Variants in YEATS2 observed in about 807,000 individuals in gnomAD.
YEATS2 encodes the protein YEATS domain containing 2.
Under a neutral mutation model 163.2 loss-of-function variants are expected in YEATS2, and 77 were observed. The ratio of observed to expected loss-of-function variants is 0.47; its 90% CI spans 0.39 to 0.57. The LOEUF is 0.57. YEATS2 is among the 20% of genes least tolerant of loss of function. The pLI is 0.00. For missense variants in YEATS2, 1,549 were observed against 1,729.8 expected (o/e 0.90, Z 1.85); for synonymous variants, 631 against 645.1 (o/e 0.98, Z 0.33).
chr3:183,762,362 C>T (rs539690996), intron 15 of YEATS2, 83 bp downstream of exon 15: 15 of 1,462,808 alleles, frequency 1.0e-5, no homozygotes, highest in African/African-American at 1.4e-5. Flanking sequence ...AAAAGATTCA[C>T]GGTGACAGGG....
At chr3:183,705,112 G>A (rs929050513) in intron 1 of YEATS2, among the ~76,000 whole-genome samples, 7 of 152,102 alleles carry the variant, frequency 4.6e-5, no homozygotes, top group Middle Eastern at 3.4e-3. Flanking sequence ...GCAACGGCGC[G>A]ATCTCAGCTT....
intron 19 of YEATS2, among the ~76,000 whole-genome samples, chr3:183,778,425 C>A (rs1723229684): frequency 6.6e-6 from 1 of 152,226 alleles, no homozygotes; most frequent in African/African-American, 2.4e-5. Flanking sequence ...TCCAGAGGGG[C>A]TTCACGTGGA....
At position 183,721,987 on chromosome 3, in the gene YEATS2, G is replaced by A. The variant is rs1027494107; in HGVS notation, c.388G>A (p.Ala130Thr). 2 of 1,614,030 alleles carry A rather than the reference G, an allele frequency of 1.2e-6. No individual in the cohort carries two copies. The highest frequency in any genetic ancestry group is 1.7e-6 in the Non-Finnish European group (2 of 1,180,042). The change falls in exon 5 of 31, where the codon GCA becomes ACA. Residue 130 changes from alanine to threonine, a missense_variant. Ala to Thr is a moderately conservative substitution (Grantham distance 58). Coordinates refer to ENST00000305135, the MANE Select transcript of YEATS2 (RefSeq NM_018023.5). ...SRSSSPANQRAETPSANHSES... is the reference protein window; with the variant it reads ...SRSSSPANQRTETPSANHSES... ...GTCATCATCTCCTGCCAATCAGAGA[G>A]CAGAAACACCATCAGCCAATCATTC...
intron 21 of YEATS2, chr3:183,793,332 G>T: frequency 9.2e-7 from 1 of 1,088,896 alleles, no homozygotes; most frequent in Non-Finnish European, 1.1e-6. Context: ...AAAAAATTAA[G>T]GCTGATTATA....
chr3:183,811,345 G>A lies in YEATS2; in HGVS notation c.*762G>A, dbSNP rs989171166. 1.3e-5 allele frequency: 2 copies of A among 152,606 alleles called. No individual in the cohort carries two copies. Among genetic ancestry groups the A allele is most frequent in the Admixed American group, 6.5e-5 (1 of 15,282 alleles). 9.5% of individuals were successfully genotyped at this position (152,606 alleles called of 1,614,324 possible). A position where few individuals can be genotyped will look rare whatever the true frequency, so the allele number is the denominator to read the frequency against. On this transcript the variant is annotated 3_prime_UTR_variant, in exon 31 of 31. Transcript: ENST00000305135. Reference sequence around the variant, plus strand: ...AGACACTTGGCAGAAGTGTAGCAGCGTTACACATGTGTGCGAAGCAGATCG... The same window carrying A: ...AGACACTTGGCAGAAGTGTAGCAGCATTACACATGTGTGCGAAGCAGATCG...
intron 7 of YEATS2, among the ~76,000 whole-genome samples, chr3:183,730,327 A>G (rs1717650599): frequency 6.6e-6 from 1 of 152,048 alleles, no homozygotes; most frequent in South Asian, 2.1e-4. Flanking sequence ...GGCCTCCCAA[A>G]GTGCTGAGAT....
Position 183,795,455 on chromosome 3 carries a change from ATTTTTTT to A in YEATS2, c.3098-2446_3098-2440del, listed in dbSNP as rs573338439. 1.1e-4 allele frequency among the ~76,000 whole-genome samples: 9 copies of A among 79,936 alleles called. No homozygotes were observed. The South Asian group carries it at 2.2e-3, about 20-fold the overall frequency. 52.4% of individuals were successfully genotyped at this position (79,936 alleles called of 152,430 possible). A position where few individuals can be genotyped will look rare whatever the true frequency, so the allele number is the denominator to read the frequency against. On this transcript the variant is annotated intron_variant, in intron 21 of 30. Coordinates refer to ENST00000305135, the MANE Select transcript of YEATS2 (RefSeq NM_018023.5). ...AGGGGCATGCCACCACACGGGACTA[ATTTTTTT>A]TTTTTTTTTTTTTTTTTTTTTAGAG...
At chr3:183,711,512 T>C (rs1715220379) in intron 1 of YEATS2, among the ~76,000 whole-genome samples, 4 of 150,720 alleles carry the variant, frequency 2.7e-5, no homozygotes. Flanking sequence ...AACATAATAG[T>C]TGGGTTCTGG....
chr3:183,702,728 G>A (rs979048887), intron 1 of YEATS2, among the ~76,000 whole-genome samples: 6 of 151,504 alleles, frequency 4.0e-5, no homozygotes, highest in Non-Finnish European at 5.9e-5. Context: ...ACAGCTACTC[G>A]GAGGCTGAGA....
chr3:183,730,048 GTTTGTTTTTTTTTT>G (rs1717572650), intron 7 of YEATS2, among the ~76,000 whole-genome samples: 5 of 20,806 alleles, frequency 2.4e-4, no homozygotes, highest in Admixed American at 7.6e-4. Context: ...GTGGTTTTTT[GTTTGTTTTTTTTTT>G]TTTTTTTTTT....
At chr3:183,783,553 C>A (rs1385510085) in intron 19 of YEATS2, among the ~76,000 whole-genome samples, 1 of 152,186 alleles carries the variant, frequency 6.6e-6, no homozygotes, top group Admixed American at 6.5e-5. Flanking sequence ...ACCCTTCCCT[C>A]CCTGCCCCAT....
At chr3:183,739,874 T>C (rs1718760811) in intron 8 of YEATS2, among the ~76,000 whole-genome samples, 1 of 56,694 alleles carries the variant, frequency 1.8e-5, no homozygotes, top group Non-Finnish European at 3.5e-5. Context: ...CCCTATTTAA[T>C]AAATGGTGCT....
At chr3:183,765,707 G>A (rs1263139483) in intron 15 of YEATS2, among the ~76,000 whole-genome samples, 1 of 152,128 alleles carries the variant, frequency 6.6e-6, no homozygotes, top group Non-Finnish European at 1.5e-5. Flanking sequence ...AGCACTTTAG[G>A]AGGCTGAGGT....
intron 7 of YEATS2, among the ~76,000 whole-genome samples, chr3:183,734,166 G>C (rs1179839784): frequency 2.0e-5 from 3 of 152,196 alleles, no homozygotes; most frequent in African/African-American, 7.2e-5. Context: ...CCCAGAAGAA[G>C]TGATTTGACA....
chr3:183,736,882 C>T, intron 8 of YEATS2, 53 bp downstream of exon 8: 1 of 1,499,634 alleles, frequency 6.7e-7, no homozygotes, highest in Middle Eastern at 1.8e-4. Context: ...TTACCAGCTA[C>T]AATTGATCCT....
At chr3:183,752,941 G>T (rs1316143247) in intron 10 of YEATS2, among the ~76,000 whole-genome samples, 2 of 151,570 alleles carry the variant, frequency 1.3e-5, no homozygotes, top group Non-Finnish European at 2.9e-5. Context: ...AGGATTACAG[G>T]CGTCCACCAC....
chr3:183,768,763 G>A (rs1722163872), intron 15 of YEATS2, among the ~76,000 whole-genome samples: 1 of 151,984 alleles, frequency 6.6e-6, no homozygotes, highest in Non-Finnish European at 1.5e-5. Context: ...GCCTGAGGTC[G>A]GGAGTTCAAG....
At chr3:183,800,389 G>T in intron 23 of YEATS2, 77 bp from the exon 24 acceptor site, 1 of 1,047,850 alleles carries the variant, frequency 9.5e-7, no homozygotes, top group South Asian at 1.4e-5. Context: ...TTCACTGTAA[G>T]AGCTTTGTTT....
chr3:183,707,379 T>G (rs1208383388), intron 1 of YEATS2, among the ~76,000 whole-genome samples: 1 of 152,248 alleles, frequency 6.6e-6, no homozygotes, highest in African/African-American at 2.4e-5. Context: ...GGTTCATTTC[T>G]GTTGTTGCCT....
Sources: allele counts gnomAD v4.1 joint callset (sites outside exome capture counted in the v4.1 genomes callset), GRCh38; gene constraint gnomAD v4.1.1; transcripts MANE v1.5; gene names NCBI Gene and HGNC (gene_info 2026-07-23, HGNC 2026-07-21).